Variants in SLCO6A1 observed in about 807,000 individuals in gnomAD.
SLCO6A1 encodes the protein solute carrier organic anion transporter family member 6A1, also known as cancer/testis antigen 48.
In SLCO6A1, 65 loss-of-function variants were observed where a neutral mutation model predicts 72.7. The observed-to-expected ratio is 0.89, with a 90% CI of 0.73 to 1.10. The LOEUF (loss-of-function observed/expected upper bound fraction) is 1.10. SLCO6A1 is among the 50% of genes least tolerant of loss of function. The pLI is 0.00. For missense variants in SLCO6A1, 874 were observed against 872.6 expected, an observed-to-expected ratio of 1.00 and a Z score of -0.02; for synonymous variants, 314 against 298.2, an observed-to-expected ratio of 1.05 and a Z score of -0.55.
chr5:102,476,441 A>G (rs1466517516), intron 3 of SLCO6A1, among the ~76,000 whole-genome samples: 1 of 152,130 alleles, frequency 6.6e-6, no homozygotes, highest in African/African-American at 2.4e-5. Flanking sequence ...TAGAACCTTC[A>G]ACTGATTGAA....
chr5:102,408,668 A>G (rs1747806918), intron 9 of SLCO6A1, among the ~76,000 whole-genome samples: 1 of 152,148 alleles, frequency 6.6e-6, no homozygotes, highest in Non-Finnish European at 1.5e-5. Context: ...AATGAAGGTG[A>G]AATAAGGTTC....
intron 9 of SLCO6A1, among the ~76,000 whole-genome samples, chr5:102,405,682 G>A (rs1747631125): frequency 6.6e-6 from 1 of 152,012 alleles, no homozygotes; most frequent in Non-Finnish European, 1.5e-5. Flanking sequence ...GCCAAAATAA[G>A]TTCTTCAAGC....
Position 102,413,139 on chromosome 5 carries a change from C to G in SLCO6A1, c.1477G>C (p.Gly493Arg). Residue 493 changes from glycine (G) to arginine (R), a missense_variant, in exon 9 of 14, where the codon GGG becomes CGG. Gly to Arg is a moderately radical substitution (Grantham distance 125, BLOSUM62 -2). Transcript: ENST00000506729. ...GGAGCCGTGAGGTTTCCCAACTTCC[C>G]TGTTCTGTAAAAACAAGATTGAATG... is the stretch of plus-strand genomic sequence containing the variant. ...AGINEDYDGT[G>R]KLGNLTAPCN... 3.8e-6 allele frequency: 6 copies of G among 1,559,738 alleles called. No individual in the cohort carries two copies. The highest frequency in any genetic ancestry group is 4.3e-6 in the Non-Finnish European group (5 of 1,161,420).
intron 12 of SLCO6A1, among the ~76,000 whole-genome samples, chr5:102,386,010 T>G (rs1746398007): frequency 6.6e-6 from 1 of 152,170 alleles, no homozygotes; most frequent in Non-Finnish European, 1.5e-5. Context: ...ACTGGTGTTT[T>G]ATTGCGTTGC....
At chr5:102,405,318 T>G (rs1417821671) in intron 9 of SLCO6A1, among the ~76,000 whole-genome samples, 3 of 151,810 alleles carry the variant, frequency 2.0e-5, no homozygotes, top group African/African-American at 7.3e-5. Context: ...TATAAATTTA[T>G]GGATTCAAGA....
intron 12 of SLCO6A1, among the ~76,000 whole-genome samples, chr5:102,383,612 G>T (rs1343893176): frequency 6.6e-6 from 1 of 151,558 alleles, no homozygotes; most frequent in Non-Finnish European, 1.5e-5. Flanking sequence ...TTTTCTTGAG[G>T]ATTTCAGCAT....
chr5:102,449,503 A>C (rs1417263970), intron 6 of SLCO6A1, among the ~76,000 whole-genome samples: 1 of 151,506 alleles, frequency 6.6e-6, no homozygotes, highest in Non-Finnish European at 1.5e-5. Flanking sequence ...TCTCCTGCCT[A>C]AGCCTCCCAA....
chr5:102,425,759 G>C (rs1279098960), intron 7 of SLCO6A1, among the ~76,000 whole-genome samples: 2 of 152,074 alleles, frequency 1.3e-5, no homozygotes, highest in Non-Finnish European at 2.9e-5. Context: ...CACAGAATTA[G>C]AGAAAACTAC....
intron 8 of SLCO6A1, among the ~76,000 whole-genome samples, chr5:102,417,205 C>A (rs1748330552): frequency 6.6e-6 from 1 of 151,644 alleles, no homozygotes; most frequent in Admixed American, 6.6e-5. Flanking sequence ...TTTTCCCATT[C>A]TTTCTGCTTA....
chr5:102,487,677 G>C (rs150449038), intron 1 of SLCO6A1, among the ~76,000 whole-genome samples: 1 of 152,106 alleles, frequency 6.6e-6, no homozygotes, highest in African/African-American at 2.4e-5. Context: ...AGAACCAGCC[G>C]CATCAAATAC....
At chr5:102,453,906 T>C (rs908170185) in intron 6 of SLCO6A1, among the ~76,000 whole-genome samples, 36 of 152,146 alleles carry the variant, frequency 2.4e-4, no homozygotes, top group African/African-American at 8.7e-4. Flanking sequence ...CTACTTTGAC[T>C]TTCACTTTCT....
intron 7 of SLCO6A1, among the ~76,000 whole-genome samples, chr5:102,425,303 T>C (rs1223114300): frequency 6.6e-6 from 1 of 152,088 alleles, no homozygotes; most frequent in Non-Finnish European, 1.5e-5. Flanking sequence ...TAAAGCGTAT[T>C]CAAATAGGAA....
rs368808696 is a variant in SLCO6A1, at chr5:102,419,851, C to A, written c.1447G>T (p.Ala483Ser). The change falls in exon 8 of 14, where the codon GCT (alanine) becomes TCT (serine). Residue 483 changes from alanine (A) to serine (S), a missense_variant. Ala to Ser is a moderately conservative substitution (Grantham distance 99, BLOSUM62 1). Coordinates refer to ENST00000506729, the MANE Select transcript of SLCO6A1 (RefSeq NM_173488.5). Reference sequence around the variant, plus strand: ...CCATCATAATCTTCATTGATCCCAGCAAATTGCACTGGATTACAGCGTACA... The same window carrying A: ...CCATCATAATCTTCATTGATCCCAGAAAATTGCACTGGATTACAGCGTACA... ...IFVRCNPVQF[A>S]GINEDYDGTG... is the part of the protein sequence containing the mutation. 5.4e-5 allele frequency: 87 copies of A among 1,598,638 alleles called. No homozygotes were observed. Among genetic ancestry groups the A allele is most frequent in the Non-Finnish European group, 7.1e-5 (84 of 1,175,736 alleles).
At chr5:102,392,537 T>G (rs1192550512) in intron 10 of SLCO6A1, among the ~76,000 whole-genome samples, 1 of 152,098 alleles carries the variant, frequency 6.6e-6, no homozygotes, top group Non-Finnish European at 1.5e-5. Context: ...TTTATGTATC[T>G]TCAGTTTGAT....
chr5:102,465,792 C>T (rs1175379493), intron 4 of SLCO6A1, among the ~76,000 whole-genome samples: 1 of 152,018 alleles, frequency 6.6e-6, no homozygotes, highest in Non-Finnish European at 1.5e-5. Flanking sequence ...TGAGGTGACC[C>T]AAACTATCAT....
chr5:102,487,978 T>C (rs1752515541), intron 1 of SLCO6A1, among the ~76,000 whole-genome samples: 1 of 152,150 alleles, frequency 6.6e-6, no homozygotes, highest in African/African-American at 2.4e-5. Flanking sequence ...CCCAGCTTGT[T>C]TAAATAAACT....
Position 102,412,989 on chromosome 5 carries a change from C to A in SLCO6A1, c.1626+1G>T. ...ACATAATAATTATAAAAAATAATTACCTTTTTTTGGTTTTGTGCTTTAGAA... is the reference window on the plus strand; with the variant it reads ...ACATAATAATTATAAAAAATAATTAACTTTTTTTGGTTTTGTGCTTTAGAA... On this transcript the variant is annotated splice_donor_variant, in intron 9 of 13. Coordinates refer to ENST00000506729, the MANE Select transcript of SLCO6A1 (RefSeq NM_173488.5). LOFTEE classifies it high-confidence loss of function. 2 of 1,298,356 alleles carry A rather than the reference C, an allele frequency of 1.5e-6. No homozygotes were observed. Among genetic ancestry groups the A allele is most frequent in the African/African-American group, 1.6e-5 (1 of 64,490 alleles). The allele number at this position is 1,298,356 out of a possible 1,614,324, so 80.4% of individuals were successfully genotyped here. A position where few individuals can be genotyped will look rare whatever the true frequency, so the allele number is the denominator to read the frequency against.
At chr5:102,444,969 C>G (rs1177864636) in intron 6 of SLCO6A1, among the ~76,000 whole-genome samples, 2 of 152,118 alleles carry the variant, frequency 1.3e-5, no homozygotes, top group Non-Finnish European at 2.9e-5. Context: ...ATCCATTTCA[C>G]CACTAATGAG....
Position 102,487,252 on chromosome 5 carries a change from G to A in SLCO6A1, c.359-6818C>T, listed in dbSNP as rs143594973. Among the ~76,000 whole-genome samples the A allele has an allele frequency of 1.7e-3, 260 of 152,110 alleles. 8 individuals are homozygous for A. Among genetic ancestry groups the A allele is most frequent in the East Asian group, 3.9e-3 (20 of 5,182 alleles). ...TTAACTTCAGCAGATTTATGTCTTCGGGTTTTTATGTGGTCAGTAATATCA... is the reference window on the plus strand; with the variant it reads ...TTAACTTCAGCAGATTTATGTCTTCAGGTTTTTATGTGGTCAGTAATATCA... On this transcript the variant is annotated intron_variant, in intron 1 of 13. Coordinates refer to ENST00000506729, the MANE Select transcript of SLCO6A1 (RefSeq NM_173488.5).
Sources: allele counts gnomAD v4.1 joint callset (sites outside exome capture counted in the v4.1 genomes callset), GRCh38; gene constraint gnomAD v4.1.1; transcripts MANE v1.5; gene names NCBI Gene and HGNC (gene_info 2026-07-23, HGNC 2026-07-21).